VRK2: variants seen among roughly 807,000 people sequenced by gnomAD.
The protein encoded by VRK2 is serine/threonine-protein kinase VRK2.
VRK2 carries 60 observed loss-of-function variants against 57.6 expected under a neutral mutation model. The observed-to-expected ratio is 1.04, with a 90% CI of 0.85 to 1.29. VRK2 has a LOEUF of 1.29. Ranked by LOEUF, VRK2 falls within the 50% of genes most tolerant of loss-of-function variation. VRK2 has a pLI of 0.00. For missense variants in VRK2, 705 were observed against 588.1 expected (o/e 1.20, Z -2.06); for synonymous variants, 231 against 199.2 (o/e 1.16, Z -1.35).
At chr2:58,013,258 T>C (rs1673467146) in intron 1 of VRK2, among the ~76,000 whole-genome samples, 4 of 152,220 alleles carry the variant, frequency 2.6e-5, no homozygotes, top group Admixed American at 2.0e-4. Flanking sequence ...GTACATAACT[T>C]GTATGCATTT....
intron 2 of VRK2, 119 bp downstream of exon 2, chr2:58,049,086 G>C (rs1675317381): frequency 8.1e-7 from 1 of 1,234,802 alleles, no homozygotes; most frequent in African/African-American, 1.5e-5. Context: ...TAAAATTCAT[G>C]ATTGTACTCG....
At chr2:58,108,521 T>TC (rs1378998848) in intron 7 of VRK2, among the ~76,000 whole-genome samples, 15 of 152,214 alleles carry the variant, frequency 9.9e-5, no homozygotes, top group African/African-American at 3.6e-4. Flanking sequence ...TTTCTTTCTT[T>TC]TTTTTTCCTG....
intron 12 of VRK2, among the ~76,000 whole-genome samples, chr2:58,157,066 G>A (rs772532048): frequency 6.6e-6 from 1 of 152,120 alleles, no homozygotes; most frequent in Non-Finnish European, 1.5e-5. Flanking sequence ...GGCCTAGTCT[G>A]CAGTAAATCT....
At chr2:57,956,639 GAACCATACTTAGTTCCAATT>G (rs1671595340) in intron 1 of VRK2, among the ~76,000 whole-genome samples, 1 of 152,052 alleles carries the variant, frequency 6.6e-6, no homozygotes. Context: ...TTCGTATGAA[GAACCATACTTAGTTCCAATT>G]ACAGGCATGT....
intron 2 of VRK2, among the ~76,000 whole-genome samples, chr2:58,075,450 G>C (rs1280268834): frequency 6.6e-6 from 1 of 151,986 alleles, no homozygotes; most frequent in Non-Finnish European, 1.5e-5. Flanking sequence ...TAAGTTCTTC[G>C]AGAGTCTTTC....
chr2:57,977,489 T>C (rs1445579585), intron 1 of VRK2, among the ~76,000 whole-genome samples: 8 of 152,008 alleles, frequency 5.3e-5, no homozygotes, highest in Non-Finnish European at 1.0e-4. Flanking sequence ...CTTTTGTGAA[T>C]GAGATTGTGT....
chr2:58,155,916 T>C (rs1683754459), intron 12 of VRK2, among the ~76,000 whole-genome samples: 1 of 132,012 alleles, frequency 7.6e-6, no homozygotes, highest in Non-Finnish European at 1.6e-5. Flanking sequence ...ATGTTTTTCA[T>C]GTTTGTTTTT....
chr2:57,945,859 C>G (rs961915299), intron 1 of VRK2, among the ~76,000 whole-genome samples: 8 of 152,102 alleles, frequency 5.3e-5, no homozygotes, highest in Admixed American at 3.3e-4. Flanking sequence ...ACATAGAAAA[C>G]TTAAGTAAGA....
chr2:58,002,020 T>C lies in VRK2; in HGVS notation c.-438-23645T>C, dbSNP rs528609867. On this transcript the variant is annotated intron_variant, in intron 1 of 15. Transcript: ENST00000417641. ...TACAAATTACAAAGAATCTAAATAA[T>C]GGTTGAATTCCTACCGTATTTCACA... is the stretch of plus-strand genomic sequence containing the variant. Among the ~76,000 whole-genome samples, 3 of 152,276 alleles carry C rather than the reference T, an allele frequency of 2.0e-5. No homozygotes were observed. In the East Asian group the frequency reaches 5.8e-4, roughly 29 times the overall value.
chr2:58,158,609 G>T (rs780549589), intron 12 of VRK2, among the ~76,000 whole-genome samples: 1 of 152,092 alleles, frequency 6.6e-6, no homozygotes, highest in Non-Finnish European at 1.5e-5. Context: ...AAATGGTGCT[G>T]AGGGGGCATG....
chr2:57,958,230 A>G (rs1325287883), intron 1 of VRK2, among the ~76,000 whole-genome samples: 1 of 152,182 alleles, frequency 6.6e-6, no homozygotes, highest in Non-Finnish European at 1.5e-5. Flanking sequence ...AATTTAGGTC[A>G]AGAAACTTCT....
chr2:58,114,570 G>C (rs973982315), intron 7 of VRK2, among the ~76,000 whole-genome samples: 52 of 152,148 alleles, frequency 3.4e-4, no homozygotes, highest in Non-Finnish European at 6.5e-4. Context: ...AGCGAAAGTG[G>C]TAAAAGTATT....
At chr2:57,926,794 T>G (rs1005151033) in intron 1 of VRK2, among the ~76,000 whole-genome samples, 1 of 151,924 alleles carries the variant, frequency 6.6e-6, no homozygotes, top group Non-Finnish European at 1.5e-5. Context: ...TCACTGGGTC[T>G]TGTTTTTCTA....
chr2:58,032,147 T>A (rs1029024707), intron 2 of VRK2, among the ~76,000 whole-genome samples: 1 of 152,086 alleles, frequency 6.6e-6, no homozygotes, highest in African/African-American at 2.4e-5. Context: ...GGAGTTGTTG[T>A]GGTTATGAAC....
intron 7 of VRK2, among the ~76,000 whole-genome samples, chr2:58,097,975 G>A (rs1673402296): frequency 6.6e-6 from 1 of 151,988 alleles, no homozygotes; most frequent in Admixed American, 6.6e-5. Flanking sequence ...TATCATCGGA[G>A]AGGACAGCTC....
rs112812375 is a variant in VRK2 at position 57,966,909 on chromosome 2, G to A, written c.-438-58756G>A. 1.1e-4 allele frequency among the ~76,000 whole-genome samples: 17 copies of A among 152,204 alleles called. 1 individual carries two copies. The highest frequency in any genetic ancestry group is 4.1e-4 in the African/African-American group (17 of 41,522). On this transcript the variant is annotated intron_variant, in intron 1 of 15. Coordinates refer to the VRK2 transcript ENST00000417641. ...TTATCCCAGTAGAATGGTTAGTAGT[G>A]AACCAGACAGTAGTGAAGGTCTAGA... is the stretch of plus-strand genomic sequence containing the variant.
intron 1 of VRK2, among the ~76,000 whole-genome samples, chr2:57,996,927 T>G (rs1205561406): frequency 6.6e-6 from 1 of 152,080 alleles, no homozygotes; most frequent in African/African-American, 2.4e-5. Context: ...TTTTATTATA[T>G]TTTTTCCAAA....
intron 1 of VRK2, among the ~76,000 whole-genome samples, chr2:57,942,659 C>A (rs1018416817): frequency 2.6e-5 from 4 of 152,172 alleles, no homozygotes; most frequent in South Asian, 2.1e-4. Context: ...AACTACTGTA[C>A]CTTGCAGGGC....
chr2:57,966,873 G>A (rs1392383156), intron 1 of VRK2, among the ~76,000 whole-genome samples: 4 of 152,016 alleles, frequency 2.6e-5, no homozygotes, highest in South Asian at 2.1e-4. Context: ...ATTCATTCAC[G>A]AACCTTTTAC....
Sources: allele counts gnomAD v4.1 joint callset (sites outside exome capture counted in the v4.1 genomes callset), GRCh38; gene constraint gnomAD v4.1.1; transcripts MANE v1.5; gene names NCBI Gene and HGNC (gene_info 2026-07-23, HGNC 2026-07-21).